Variants in ATXN7L1 observed in about 807,000 individuals in gnomAD.
The protein encoded by ATXN7L1 is ataxin 7 like 1.
In ATXN7L1, 15 loss-of-function variants were observed where a neutral mutation model predicts 70.8. That is an observed-to-expected ratio of 0.21 (90% CI 0.14 to 0.33). The LOEUF (loss-of-function observed/expected upper bound fraction) is 0.33, where lower values mean the gene tolerates loss of function less well. Among genes scored for constraint, ATXN7L1 ranks in the 10% least tolerant of loss-of-function variants. ATXN7L1 has a pLI of 1.00. For missense variants in ATXN7L1, 975 were observed against 1,097.1 expected, an observed-to-expected ratio of 0.89 and a Z score of 1.57; for synonymous variants, 440 against 445.1, an observed-to-expected ratio of 0.99 and a Z score of 0.14.
intron 3 of ATXN7L1, among the ~76,000 whole-genome samples, chr7:105,690,826 A>C (rs887163843): frequency 6.6e-6 from 1 of 152,184 alleles, no homozygotes; most frequent in African/African-American, 2.4e-5. Context: ...CTGTTCTAGT[A>C]AATATTACGG....
chr7:105,753,820 A>C (rs1333207026), intron 3 of ATXN7L1, among the ~76,000 whole-genome samples: 1 of 152,192 alleles, frequency 6.6e-6, no homozygotes, highest in Non-Finnish European at 1.5e-5. Context: ...TATTTATGGG[A>C]GTTTTCTCTT....
intron 9 of ATXN7L1, among the ~76,000 whole-genome samples, chr7:105,616,669 T>C (rs554507454): frequency 2.6e-5 from 4 of 152,298 alleles, no homozygotes; most frequent in African/African-American, 9.6e-5. Context: ...AGCAGCACCA[T>C]ACCCATATTG....
At chr7:105,850,688 T>C (rs907829792) in intron 2 of ATXN7L1, among the ~76,000 whole-genome samples, 4 of 152,174 alleles carry the variant, frequency 2.6e-5, no homozygotes, top group African/African-American at 9.7e-5. Flanking sequence ...TGTCTCCTTC[T>C]GCACAGAAGG....
At chr7:105,609,648 GA>G (rs1372474209) in intron 11 of ATXN7L1, among the ~76,000 whole-genome samples, 1 of 151,852 alleles carries the variant, frequency 6.6e-6, no homozygotes, top group East Asian at 1.9e-4. Flanking sequence ...TTTTTGTAGA[GA>G]TAGGGTCTCA....
At chr7:105,758,346 G>C (rs143155929) in intron 3 of ATXN7L1, among the ~76,000 whole-genome samples, 1 of 152,204 alleles carries the variant, frequency 6.6e-6, no homozygotes, top group Non-Finnish European at 1.5e-5. Context: ...TCTCTGAGAA[G>C]CATGATTATA....
chr7:105,706,797 T>C (rs2116254955), intron 3 of ATXN7L1, among the ~76,000 whole-genome samples: 1 of 152,316 alleles, frequency 6.6e-6, no homozygotes. Flanking sequence ...TCTGGCCTAA[T>C]GAAAAACAAT....
intron 3 of ATXN7L1, among the ~76,000 whole-genome samples, chr7:105,733,525 T>A (rs1468082360): frequency 2.1e-4 from 24 of 114,190 alleles, no homozygotes; most frequent in African/African-American, 8.0e-4. Flanking sequence ...CACCCATCCA[T>A]CCATCCATCC....
At chr7:105,754,610 C>A (rs1170041314) in intron 3 of ATXN7L1, among the ~76,000 whole-genome samples, 1 of 152,148 alleles carries the variant, frequency 6.6e-6, no homozygotes, top group Non-Finnish European at 1.5e-5. Context: ...TAGGCATAAG[C>A]CACTGCACCC....
chr7:105,629,129 A>G (rs1158640140), intron 7 of ATXN7L1, among the ~76,000 whole-genome samples: 1 of 152,038 alleles, frequency 6.6e-6, no homozygotes, highest in African/African-American at 2.4e-5. Context: ...CACTGAGCCC[A>G]GTGAAATTTG....
At chr7:105,871,218 C>A (rs1818220115) in intron 2 of ATXN7L1, among the ~76,000 whole-genome samples, 2 of 151,746 alleles carry the variant, frequency 1.3e-5, no homozygotes, top group African/African-American at 4.8e-5. Flanking sequence ...TTCAGTTCCA[C>A]CCCCCTTTCT....
At chr7:105,656,531 AC>A (rs1800663794) in intron 4 of ATXN7L1, among the ~76,000 whole-genome samples, 1 of 150,434 alleles carries the variant, frequency 6.6e-6, no homozygotes. Context: ...CAGGGAACAA[AC>A]CTGGTAACAT....
chr7:105,869,941 C>G (rs1054771512), intron 2 of ATXN7L1, among the ~76,000 whole-genome samples: 1 of 152,164 alleles, frequency 6.6e-6, no homozygotes, highest in Non-Finnish European at 1.5e-5. Context: ...TATTCGACAG[C>G]TATTGATAAA....
intron 3 of ATXN7L1, among the ~76,000 whole-genome samples, chr7:105,704,861 T>C (rs780120257): frequency 2.6e-5 from 4 of 152,010 alleles, no homozygotes; most frequent in Non-Finnish European, 5.9e-5. Flanking sequence ...TCTGCCCCCC[T>C]TGGCCTCCCA....
chr7:105,733,153 A>G (rs1259312328), intron 3 of ATXN7L1, among the ~76,000 whole-genome samples: 1 of 152,102 alleles, frequency 6.6e-6, no homozygotes, highest in Non-Finnish European at 1.5e-5. Context: ...GCTTTGGTTC[A>G]CTGTTGCATT....
chr7:105,809,773 CTT>C (rs149047532), intron 2 of ATXN7L1, among the ~76,000 whole-genome samples: 20 of 146,176 alleles, frequency 1.4e-4, no homozygotes, highest in Admixed American at 4.1e-4. Flanking sequence ...CTCCAGACTC[CTT>C]TTTTTTTTTT....
intron 7 of ATXN7L1, among the ~76,000 whole-genome samples, chr7:105,634,553 G>A (rs1797088048): frequency 6.6e-6 from 1 of 151,956 alleles, no homozygotes; most frequent in African/African-American, 2.4e-5. Flanking sequence ...ATGGGGTCTC[G>A]CTATGTTGCC....
intron 3 of ATXN7L1, among the ~76,000 whole-genome samples, chr7:105,724,573 CAAAAAAAAAAAAA>C (rs573733959): frequency 0.53 from 42,610 of 80,346 alleles, 8,479 homozygotes; most frequent in African/African-American, 0.6. Flanking sequence ...GACTCTGTCT[CAAAAAAAAAAAAA>C]AAAAAAAAAA....
At chr7:105,868,486 G>A (rs1471855493) in intron 2 of ATXN7L1, among the ~76,000 whole-genome samples, 3 of 152,184 alleles carry the variant, frequency 2.0e-5, no homozygotes, top group African/African-American at 4.8e-5. Context: ...TACTATGCAG[G>A]CACCAAAAGA....
At chr7:105,608,317 T>G (rs1224343502) in intron 11 of ATXN7L1, among the ~76,000 whole-genome samples, 1 of 152,206 alleles carries the variant, frequency 6.6e-6, no homozygotes, top group Non-Finnish European at 1.5e-5. Flanking sequence ...GAGAGAGATT[T>G]TGGGTTCAAG....
Sources: gnomAD v4.1 joint callset for allele counts (sites outside exome capture counted in the v4.1 genomes callset) on GRCh38, gnomAD v4.1.1 for gene constraint, MANE v1.5 for transcripts, NCBI Gene and HGNC (gene_info 2026-07-23, HGNC 2026-07-21) for gene names.